CNTLN: variants seen among roughly 807,000 people sequenced by gnomAD.
CNTLN encodes the protein centlein.
In CNTLN, 212 loss-of-function variants were observed where a neutral mutation model predicts 180.0. The ratio of observed to expected loss-of-function variants is 1.18; its 90% CI spans 1.05 to 1.32. The LOEUF (loss-of-function observed/expected upper bound fraction) is 1.32. Among genes scored for constraint, CNTLN ranks in the 40% most tolerant of loss-of-function variants. The pLI is 0.00. For missense variants in CNTLN, 2,095 were observed against 1,610.9 expected, an observed-to-expected ratio of 1.30 and a Z score of -5.14; for synonymous variants, 722 against 563.1, an observed-to-expected ratio of 1.28 and a Z score of -3.99.
At chr9:17,219,149 C>T (rs987531694) in intron 2 of CNTLN, among the ~76,000 whole-genome samples, 2 of 151,954 alleles carry the variant, frequency 1.3e-5, no homozygotes, top group Non-Finnish European at 2.9e-5. Context: ...ATTCTTCGCT[C>T]ACATCATTAT....
chr9:17,478,212 A>G lies in CNTLN; in HGVS notation c.3856-6083A>G, dbSNP rs182580157. 4.8e-4 allele frequency among the ~76,000 whole-genome samples: 73 copies of G among 152,358 alleles called. No homozygotes were observed. The East Asian group carries it at 8.7e-3, about 18-fold the overall frequency. ...AACTTTTACATTCACTGGGAAACCAAAAACATTGTATGACTCACTTTATTG... is the reference window on the plus strand; with the variant it reads ...AACTTTTACATTCACTGGGAAACCAGAAACATTGTATGACTCACTTTATTG... On this transcript the variant is annotated intron_variant, in intron 23 of 25. Coordinates refer to ENST00000380647, the MANE Select transcript of CNTLN (RefSeq NM_017738.4).
intron 8 of CNTLN, among the ~76,000 whole-genome samples, chr9:17,326,044 C>T (rs747043965): frequency 4.6e-5 from 7 of 151,876 alleles, no homozygotes; most frequent in Non-Finnish European, 1.0e-4. Flanking sequence ...ACCTAAAGGC[C>T]CTTCCCCCAT....
At chr9:17,177,288 A>G (rs1820778407) in intron 2 of CNTLN, among the ~76,000 whole-genome samples, 1 of 152,092 alleles carries the variant, frequency 6.6e-6, no homozygotes. Context: ...AGGCACCTGT[A>G]GTCCCAGCTG....
chr9:17,290,387 C>T (rs1360776809), intron 6 of CNTLN, among the ~76,000 whole-genome samples: 3 of 149,164 alleles, frequency 2.0e-5, no homozygotes, highest in Non-Finnish European at 4.5e-5. Flanking sequence ...CAGCTGCGTG[C>T]TGGGAGAACC....
intron 14 of CNTLN, among the ~76,000 whole-genome samples, chr9:17,392,086 A>G (rs1293890361): frequency 2.6e-5 from 4 of 152,152 alleles, no homozygotes; most frequent in African/African-American, 4.8e-5. Context: ...AAGGCAACAC[A>G]ATGCGACCCC....
At chr9:17,417,940 C>T (rs1357917177) in intron 18 of CNTLN, among the ~76,000 whole-genome samples, 1 of 151,904 alleles carries the variant, frequency 6.6e-6, no homozygotes, top group South Asian at 2.1e-4. Flanking sequence ...CTGCATGGTT[C>T]ATCTGCATTT....
chr9:17,163,078 T>G (rs1441389482), intron 2 of CNTLN, among the ~76,000 whole-genome samples: 2 of 152,186 alleles, frequency 1.3e-5, no homozygotes, highest in African/African-American at 4.8e-5. Flanking sequence ...AAGTCACATC[T>G]TACATTGTGG....
chr9:17,193,633 C>A (rs1259802102), intron 2 of CNTLN, among the ~76,000 whole-genome samples: 1 of 152,188 alleles, frequency 6.6e-6, no homozygotes, highest in African/African-American at 2.4e-5. Context: ...CTCCCAGCTG[C>A]CTTCACGGGC....
intron 6 of CNTLN, among the ~76,000 whole-genome samples, chr9:17,275,290 G>C (rs915812648): frequency 1.3e-5 from 2 of 151,856 alleles, no homozygotes; most frequent in Non-Finnish European, 2.9e-5. Flanking sequence ...GTTGAAATTT[G>C]CCTTTTTATA....
intron 14 of CNTLN, among the ~76,000 whole-genome samples, chr9:17,389,960 G>A (rs1177211133): frequency 6.6e-6 from 1 of 151,984 alleles, no homozygotes; most frequent in Non-Finnish European, 1.5e-5. Context: ...TTTAAAAAAA[G>A]GAAATTAGAA....
chr9:17,401,527 G>C (rs1372700), intron 15 of CNTLN, among the ~76,000 whole-genome samples: 1 of 150,186 alleles, frequency 6.7e-6, no homozygotes, highest in Non-Finnish European at 1.5e-5. Flanking sequence ...ACGTGCTACC[G>C]TGCCTGGCTA....
At chr9:17,210,815 G>A (rs1375187215) in intron 2 of CNTLN, among the ~76,000 whole-genome samples, 1 of 152,196 alleles carries the variant, frequency 6.6e-6, no homozygotes, top group Non-Finnish European at 1.5e-5. Context: ...GTGATGATGA[G>A]CATTTTTTCA....
intron 13 of CNTLN, among the ~76,000 whole-genome samples, chr9:17,380,867 A>C (rs545656466): frequency 3.3e-5 from 5 of 152,290 alleles, no homozygotes; most frequent in Non-Finnish European, 1.5e-5. Context: ...TTTCTGGTCC[A>C]GCTCTGTTTC....
intron 5 of CNTLN, among the ~76,000 whole-genome samples, chr9:17,247,834 CTTTTTTT>C (rs1217713916): frequency 3.5e-4 from 33 of 95,524 alleles, no homozygotes; most frequent in African/African-American, 1.3e-3. Context: ...TCTGTTCTTT[CTTTTTTT>C]TTTTTTTTGA....
chr9:17,497,831 A>C (rs1201902486), intron 25 of CNTLN, among the ~76,000 whole-genome samples: 1 of 152,176 alleles, frequency 6.6e-6, no homozygotes, highest in Non-Finnish European at 1.5e-5. Flanking sequence ...TCAGTCTTTA[A>C]CTACAAGATA....
Position 17,299,878 on chromosome 9 carries a change from A to G in CNTLN, c.1146+1526A>G, listed in dbSNP as rs997547584. 112 of 788,656 alleles carry G rather than the reference A, an allele frequency of 1.4e-4. 1 individual carries two copies. The highest frequency in any genetic ancestry group is 1.7e-4 in the Non-Finnish European group (108 of 651,730). 48.9% of individuals were successfully genotyped at this position (788,656 alleles called of 1,614,324 possible). A position where few individuals can be genotyped will look rare whatever the true frequency, so the allele number is the denominator to read the frequency against. ...TTCCCCTCTTGGCTTCCATTGTACT[A>G]TAATTGGGTGGCTTTCTTCCTTCAG... On this transcript the variant is annotated intron_variant, in intron 7 of 25. Transcript: ENST00000380647.
At chr9:17,227,316 TTATATG>T (rs559431048) in intron 3 of CNTLN, among the ~76,000 whole-genome samples, 116 of 152,092 alleles carry the variant, frequency 7.6e-4, no homozygotes, top group African/African-American at 2.7e-3. Context: ...TTACATATAA[TTATATG>T]TATATGTAAT....
chr9:17,303,112 G>A (rs1256759090), intron 7 of CNTLN, among the ~76,000 whole-genome samples: 1 of 152,150 alleles, frequency 6.6e-6, no homozygotes, highest in Non-Finnish European at 1.5e-5. Flanking sequence ...GAAGCTTAGA[G>A]TGTTGTCTAA....
intron 18 of CNTLN, among the ~76,000 whole-genome samples, chr9:17,445,014 G>T (rs140271004): frequency 2.6e-5 from 4 of 151,822 alleles, no homozygotes; most frequent in African/African-American, 9.7e-5. Flanking sequence ...TACATATGTT[G>T]GTCCTTAGTT....
Sources: allele counts gnomAD v4.1 joint callset (sites outside exome capture counted in the v4.1 genomes callset), GRCh38; gene constraint gnomAD v4.1.1; transcripts MANE v1.5; gene names NCBI Gene and HGNC (gene_info 2026-07-23, HGNC 2026-07-21).